The following ZNF385D variants were observed in gnomAD, a reference collection of about 807,000 sequenced individuals.
ZNF385D encodes the protein zinc finger protein 659.
Under a neutral mutation model 35.8 loss-of-function variants are expected in ZNF385D, and 15 were observed. That is an observed-to-expected ratio of 0.42 (90% CI 0.28 to 0.64). The LOEUF (loss-of-function observed/expected upper bound fraction) is 0.64. Among genes scored for constraint, ZNF385D ranks in the 30% least tolerant of loss-of-function variants. ZNF385D has a pLI of 0.23. For missense variants in ZNF385D, 474 were observed against 494.6 expected (o/e 0.96, Z 0.39); for synonymous variants, 212 against 186.8 (o/e 1.13, Z -1.10).
intron 3 of ZNF385D, among the ~76,000 whole-genome samples, chr3:22,102,591 CA>C (rs1313521924): frequency 6.6e-6 from 1 of 151,840 alleles, no homozygotes; most frequent in Non-Finnish European, 1.5e-5. Flanking sequence ...TGTCACTGGC[CA>C]AATGAGGCAT....
intron 5 of ZNF385D, among the ~76,000 whole-genome samples, chr3:21,430,021 C>G (rs1204979208): frequency 6.6e-6 from 1 of 151,854 alleles, no homozygotes; most frequent in Non-Finnish European, 1.5e-5. Context: ...AATCTACGTA[C>G]CTGGAATGTG....
chr3:21,938,184 G>T (rs1192780110), intron 3 of ZNF385D, among the ~76,000 whole-genome samples: 1 of 152,134 alleles, frequency 6.6e-6, no homozygotes, highest in Non-Finnish European at 1.5e-5. Context: ...ATTTTAGTCG[G>T]ATAATTTGTT....
chr3:21,549,705 T>C (rs2062502300), intron 3 of ZNF385D, among the ~76,000 whole-genome samples: 1 of 152,146 alleles, frequency 6.6e-6, no homozygotes, highest in South Asian at 2.1e-4. Context: ...AAGGACAGCT[T>C]TTGAAGAAGA....
At chr3:22,032,077 C>G (rs1351215651) in intron 3 of ZNF385D, among the ~76,000 whole-genome samples, 1 of 152,248 alleles carries the variant, frequency 6.6e-6, no homozygotes, top group Non-Finnish European at 1.5e-5. Context: ...AGTTCCTCAT[C>G]TCCATCTGAG....
intron 4 of ZNF385D, among the ~76,000 whole-genome samples, chr3:21,504,263 AAAC>A (rs1012482871): frequency 5.3e-5 from 8 of 152,052 alleles, no homozygotes; most frequent in Non-Finnish European, 1.0e-4. Flanking sequence ...CAAAAACCAA[AAAC>A]AACAACAACA....
chr3:22,037,539 A>G (rs1251381033), intron 3 of ZNF385D, among the ~76,000 whole-genome samples: 2 of 151,862 alleles, frequency 1.3e-5, no homozygotes, highest in African/African-American at 4.8e-5. Context: ...CATATCCTTC[A>G]CCCACTTTTT....
chr3:22,354,246 T>C (rs1030504703), intron 2 of ZNF385D, among the ~76,000 whole-genome samples: 1 of 152,084 alleles, frequency 6.6e-6, no homozygotes, highest in Non-Finnish European at 1.5e-5. Flanking sequence ...ATTTTCTGTA[T>C]CTCAGTTTCT....
intron 3 of ZNF385D, among the ~76,000 whole-genome samples, chr3:21,975,803 A>G (rs139184272): frequency 2.4e-4 from 35 of 145,928 alleles, no homozygotes; most frequent in Non-Finnish European, 1.5e-5. Context: ...TGTAACTACT[A>G]TGTACCCATG....
chr3:22,368,520 C>T (rs535647677), intron 2 of ZNF385D, among the ~76,000 whole-genome samples: 150 of 152,242 alleles, frequency 9.9e-4, no homozygotes, highest in Non-Finnish European at 1.2e-3. Context: ...AACTAGGTAG[C>T]TAAACAACAA....
intron 1 of ZNF385D, among the ~76,000 whole-genome samples, chr3:21,729,188 C>CA (rs1559559114): frequency 6.6e-6 from 1 of 151,986 alleles, no homozygotes; most frequent in Non-Finnish European, 1.5e-5. Context: ...TTACTGATGG[C>CA]AAAAATCAAA....
intron 3 of ZNF385D, among the ~76,000 whole-genome samples, chr3:21,930,190 T>A (rs1291391050): frequency 6.6e-6 from 1 of 151,126 alleles, no homozygotes; most frequent in Non-Finnish European, 1.5e-5. Context: ...GTTAAAGGGG[T>A]GAAAGAACAG....
intron 4 of ZNF385D, among the ~76,000 whole-genome samples, chr3:21,449,935 G>T (rs941374446): frequency 6.6e-6 from 1 of 152,172 alleles, no homozygotes; most frequent in Non-Finnish European, 1.5e-5. Context: ...TTGCCAAGCG[G>T]TCAAGATCAC....
At chr3:21,672,279 C>T (rs914547157) in intron 1 of ZNF385D, among the ~76,000 whole-genome samples, 14 of 151,238 alleles carry the variant, frequency 9.3e-5, no homozygotes, top group Non-Finnish European at 1.3e-4. Context: ...TTTTTCTCCC[C>T]GCCCCTCTCC....
chr3:21,950,764 T>C lies in ZNF385D; in HGVS notation c.325+218053A>G, dbSNP rs190124366. Among the ~76,000 whole-genome samples, 938 of 151,916 alleles carry C rather than the reference T, an allele frequency of 6.2e-3. 12 individuals carry two copies. The highest frequency in any genetic ancestry group is 0.018 in the South Asian group (85 of 4,824). On this transcript the variant is annotated intron_variant, in intron 3 of 5. Coordinates refer to the ZNF385D transcript ENST00000494108. ...GGGTCCAGTTTCAATTTTCTGCATATGGCTAGCCAGTTTTCCCAACACCAC... is the reference window on the plus strand; with the variant it reads ...GGGTCCAGTTTCAATTTTCTGCATACGGCTAGCCAGTTTTCCCAACACCAC...
intron 1 of ZNF385D, among the ~76,000 whole-genome samples, chr3:21,719,809 C>G (rs1264999289): frequency 6.6e-6 from 1 of 152,204 alleles, no homozygotes; most frequent in Non-Finnish European, 1.5e-5. Flanking sequence ...GTAAATTACT[C>G]TATGCTGCAT....
intron 1 of ZNF385D, among the ~76,000 whole-genome samples, chr3:21,725,939 G>T (rs557405723): frequency 7.9e-5 from 12 of 152,256 alleles, no homozygotes; most frequent in Middle Eastern, 3.4e-3. Context: ...TAAAATACTG[G>T]CAAACCAAAT....
chr3:22,026,335 A>T (rs1198047502), intron 3 of ZNF385D, among the ~76,000 whole-genome samples: 2 of 152,060 alleles, frequency 1.3e-5, no homozygotes, highest in African/African-American at 4.8e-5. Context: ...CATTACCGAC[A>T]ATTTATGTGG....
chr3:21,437,580 G>T (rs73145229), intron 4 of ZNF385D, among the ~76,000 whole-genome samples: 2,054 of 151,046 alleles, frequency 0.014, 49 homozygotes, highest in African/African-American at 0.046. Flanking sequence ...AATTAAAATA[G>T]AAGATAAATG....
At chr3:21,616,342 T>C (rs1329931116) in intron 2 of ZNF385D, among the ~76,000 whole-genome samples, 2 of 152,132 alleles carry the variant, frequency 1.3e-5, no homozygotes, top group African/African-American at 4.8e-5. Flanking sequence ...TTAATTTTTG[T>C]TTACTGCTGG....
Sources: allele counts gnomAD v4.1 joint callset (sites outside exome capture counted in the v4.1 genomes callset), GRCh38; gene constraint gnomAD v4.1.1; transcripts MANE v1.5; gene names NCBI Gene and HGNC (gene_info 2026-07-23, HGNC 2026-07-21).